KIAA2012: variants seen among roughly 807,000 people sequenced by gnomAD.
KIAA2012 encodes the protein KIAA2012, also known as uncharacterized protein KIAA2012.
KIAA2012 carries 125 observed loss-of-function variants against 150.6 expected under a neutral mutation model. The observed-to-expected ratio is 0.83, with a 90% CI of 0.72 to 0.96. KIAA2012 has a LOEUF of 0.96. KIAA2012 is among the 40% of genes least tolerant of loss of function. The pLI is 0.00. For missense variants in KIAA2012, 1,219 were observed against 1,354.9 expected (o/e 0.90, Z 1.57); for synonymous variants, 462 against 504.7 (o/e 0.92, Z 1.13).
At chr2:202,139,212 C>G (rs1559217746) in intron 13 of KIAA2012, among the ~76,000 whole-genome samples, 1 of 146,956 alleles carries the variant, frequency 6.8e-6, no homozygotes. Context: ...CAGCCAGAAT[C>G]CAGAGTGAGA....
At chr2:202,074,281 T>A (rs1689272154) in intron 1 of KIAA2012, among the ~76,000 whole-genome samples, 1 of 151,966 alleles carries the variant, frequency 6.6e-6, no homozygotes, top group Non-Finnish European at 1.5e-5. Context: ...AATTTGGGGG[T>A]CATACAGAGA....
chr2:202,109,757 G>C lies in KIAA2012; in HGVS notation c.1619G>C (p.Arg540Thr), dbSNP rs1192199019. 1 of 1,549,662 alleles carries C rather than the reference G, an allele frequency of 6.5e-7. No homozygotes were observed. The highest frequency in any genetic ancestry group is 1.4e-5 in the African/African-American group (1 of 73,008). The change falls in exon 10 of 24, where the codon AGA (arginine) becomes ACA (threonine). Residue 540 changes from arginine to threonine, a missense_variant. By Grantham distance (71) the Arg-to-Thr change is moderately conservative. Transcript: ENST00000498697. ...HNSPPSLPNMRVPRRALPAAQ... is the reference protein window; with the variant it reads ...HNSPPSLPNMTVPRRALPAAQ... Reference sequence around the variant, plus strand: ...AGCCCCCCAAGTCTCCCGAACATGAGAGTGCCCAGGAGGGCACTGCCAGCA... The same window carrying C: ...AGCCCCCCAAGTCTCCCGAACATGACAGTGCCCAGGAGGGCACTGCCAGCA...
At chr2:202,082,436 T>C (rs1689471009) in intron 2 of KIAA2012, among the ~76,000 whole-genome samples, 1 of 152,098 alleles carries the variant, frequency 6.6e-6, no homozygotes, top group African/African-American at 2.4e-5. Flanking sequence ...TCCCACTCCA[T>C]GGGTTGCCTG....
intron 13 of KIAA2012, among the ~76,000 whole-genome samples, chr2:202,145,258 TTC>T (rs1691272029): frequency 6.6e-6 from 1 of 152,180 alleles, no homozygotes; most frequent in African/African-American, 2.4e-5. Context: ...TCACTCTCCC[TTC>T]TCTCTCTCCC....
chr2:202,176,223 G>A (rs557975310), intron 15 of KIAA2012, among the ~76,000 whole-genome samples: 8 of 149,522 alleles, frequency 5.4e-5, no homozygotes, highest in South Asian at 4.2e-4. Context: ...TTTTTGGGAC[G>A]GAGTCTCGCT....
intron 15 of KIAA2012, among the ~76,000 whole-genome samples, chr2:202,169,230 T>C (rs1455519273): frequency 1.3e-5 from 2 of 151,990 alleles, no homozygotes; most frequent in African/African-American, 4.8e-5. Context: ...AATGAATGAG[T>C]CAAATGTATG....
At chr2:202,082,448 C>A (rs1689471646) in intron 2 of KIAA2012, among the ~76,000 whole-genome samples, 1 of 152,028 alleles carries the variant, frequency 6.6e-6, no homozygotes, top group Non-Finnish European at 1.5e-5. Context: ...GGTTGCCTGC[C>A]TTTTCACTCG....
intron 10 of KIAA2012, among the ~76,000 whole-genome samples, chr2:202,110,572 T>G (rs1690319800): frequency 6.6e-6 from 1 of 152,212 alleles, no homozygotes; most frequent in Admixed American, 6.5e-5. Flanking sequence ...ATGAAGGAGA[T>G]GACATGTGTT....
chr2:202,096,417 AT>A (rs1575008184), intron 4 of KIAA2012, among the ~76,000 whole-genome samples: 1 of 152,100 alleles, frequency 6.6e-6, no homozygotes, highest in East Asian at 1.9e-4. Flanking sequence ...CTGAGCCTGT[AT>A]TTCTTCCACC....
At chr2:202,076,688 C>T (rs1294139313) in intron 2 of KIAA2012, among the ~76,000 whole-genome samples, 9 of 152,280 alleles carry the variant, frequency 5.9e-5, no homozygotes, top group Non-Finnish European at 1.3e-4. Flanking sequence ...CAGAGAGCTA[C>T]TAAATGACAA....
In KIAA2012 at chr2:202,090,661, C is replaced by A. The variant is rs1472747262; in HGVS notation, c.370-109C>A. 6.1e-6 allele frequency: 8 copies of A among 1,301,104 alleles called. No individual in the cohort carries two copies. In the African/African-American group the frequency reaches 1.2e-4, roughly 20 times the overall value. The allele number at this position is 1,301,104 out of a possible 1,614,324, so 80.6% of individuals were successfully genotyped here. On this transcript the variant is annotated intron_variant, in intron 2 of 23. Coordinates refer to ENST00000498697, the MANE Select transcript of KIAA2012 (RefSeq NM_001277372.4). ...CATCTGTTTTTGGTGCCTTCTGGCA[C>A]CTTCTGGGAGTTTCCTGGGTTACTG...
At chr2:202,196,350 A>G (rs1301253890) in intron 21 of KIAA2012, among the ~76,000 whole-genome samples, 8 of 150,576 alleles carry the variant, frequency 5.3e-5, no homozygotes, top group East Asian at 1.9e-4. Flanking sequence ...GCCTGCCACC[A>G]CGCCCCGCTA....
At position 202,184,743 on chromosome 2, in the gene KIAA2012, G is replaced by A. The variant is rs1230829920; in HGVS notation, c.2120-10G>A. 6.6e-7 allele frequency: 1 copy of A among 1,523,114 alleles called. No individual in the cohort carries two copies. The highest frequency in any genetic ancestry group is 2.5e-5 in the East Asian group (1 of 39,960). 94.3% of individuals were successfully genotyped at this position (1,523,114 alleles called of 1,614,324 possible). A position where few individuals can be genotyped will look rare whatever the true frequency, so the allele number is the denominator to read the frequency against. On this transcript the variant is annotated splice_polypyrimidine_tract_variant and intron_variant, in intron 15 of 23. Transcript: ENST00000498697. ...GTTGTCCTTTATTGATTGATACTCT[G>A]TTTTCACAGACCCAGAGCCAAGGAG...
intron 12 of KIAA2012, among the ~76,000 whole-genome samples, chr2:202,132,747 A>ATATATATAGTATATAT (rs373235755): frequency 1.1e-4 from 11 of 104,362 alleles, no homozygotes; most frequent in East Asian, 5.7e-4. Flanking sequence ...GTATATATAT[A>ATATATATAGTATATAT]GTATATATGT....
At chr2:202,084,516 A>G (rs1350920574) in intron 2 of KIAA2012, among the ~76,000 whole-genome samples, 1 of 152,220 alleles carries the variant, frequency 6.6e-6, no homozygotes, top group Non-Finnish European at 1.5e-5. Flanking sequence ...GTGCACACTA[A>G]TTACTCATTG....
chr2:202,139,580 C>T (rs1395893676), intron 13 of KIAA2012, among the ~76,000 whole-genome samples: 6 of 152,206 alleles, frequency 3.9e-5, no homozygotes, highest in Non-Finnish European at 7.3e-5. Context: ...AACGGGTTTG[C>T]TTTCATCTGC....
intron 2 of KIAA2012, 145 bp from the exon 3 acceptor site, chr2:202,090,625 A>T (rs936118394): frequency 1.1e-6 from 1 of 878,548 alleles, no homozygotes; most frequent in Non-Finnish European, 1.6e-6. Flanking sequence ...GTTCATGTCT[A>T]TTAGCCGAGG....
At chr2:202,092,891 C>A in intron 3 of KIAA2012, 139 bp from the exon 4 acceptor site, 1 of 689,916 alleles carries the variant, frequency 1.4e-6, no homozygotes, top group Non-Finnish European at 2.4e-6. Context: ...TTTTTAATCT[C>A]CCTCATCTTC....
intron 15 of KIAA2012, among the ~76,000 whole-genome samples, chr2:202,176,021 G>C (rs58100125): frequency 0.37 from 55,789 of 151,878 alleles, 10,399 homozygotes; most frequent in East Asian, 0.57. Context: ...TGAGACAACT[G>C]GTTATGCAAT....
Sources: gnomAD v4.1 joint callset for allele counts (sites outside exome capture counted in the v4.1 genomes callset) on GRCh38, gnomAD v4.1.1 for gene constraint, MANE v1.5 for transcripts, NCBI Gene and HGNC (gene_info 2026-07-23, HGNC 2026-07-21) for gene names.